GALNT2: variants seen among roughly 807,000 people sequenced by gnomAD.
The protein encoded by GALNT2 is UDP-GalNAc:polypeptide N-acetylgalactosaminyltransferase 2.
Under a neutral mutation model 81.4 loss-of-function variants are expected in GALNT2, and 31 were observed. That is an observed-to-expected ratio of 0.38 (90% CI 0.29 to 0.51). The LOEUF (loss-of-function observed/expected upper bound fraction) is 0.51, where lower values mean the gene tolerates loss of function less well. Among genes scored for constraint, GALNT2 ranks in the 20% least tolerant of loss-of-function variants. GALNT2 has a pLI of 0.87. For synonymous variants in GALNT2, 303 were observed against 287.4 expected, an observed-to-expected ratio of 1.05 and a Z score of -0.55; for missense variants, 629 against 765.7, an observed-to-expected ratio of 0.82 and a Z score of 2.11.
intron 1 of GALNT2, among the ~76,000 whole-genome samples, chr1:230,128,812 C>G (rs1015201160): frequency 7.9e-5 from 12 of 152,200 alleles, no homozygotes; most frequent in African/African-American, 2.2e-4. Context: ...TCCTAAGCCC[C>G]CATCTTCCTA....
chr1:230,258,846 ATTGATACCT>A (rs1665795546), intron 11 of GALNT2: 2 of 152,252 alleles, frequency 1.3e-5, no homozygotes, highest in Admixed American at 6.5e-5. Flanking sequence ...CACCAAAGCC[ATTGATACCT>A]ACCAGCAAAC....
intron 1 of GALNT2, among the ~76,000 whole-genome samples, chr1:230,144,134 G>A (rs1378643198): frequency 1.3e-5 from 2 of 152,202 alleles, no homozygotes; most frequent in Non-Finnish European, 2.9e-5. Context: ...GGGAGGCAGA[G>A]CAGGTTGGGG....
intron 7 of GALNT2, among the ~76,000 whole-genome samples, chr1:230,244,189 A>G (rs1471171742): frequency 6.6e-6 from 1 of 152,072 alleles, no homozygotes; most frequent in African/African-American, 2.4e-5. Context: ...GCTGTGAGTC[A>G]TGGAATACTA....
chr1:230,231,780 A>G (rs923439847), intron 3 of GALNT2, among the ~76,000 whole-genome samples: 1 of 152,190 alleles, frequency 6.6e-6, no homozygotes, highest in Non-Finnish European at 1.5e-5. Context: ...ACCGAACAGG[A>G]AGTTTGCAGA....
chr1:230,100,573 G>A lies in GALNT2; in HGVS notation c.126+33167G>A, dbSNP rs182028010. Among the ~76,000 whole-genome samples the A allele has an allele frequency of 8.8e-3, 1,343 of 152,280 alleles. 9 individuals carry two copies. The highest frequency in any genetic ancestry group is 0.013 in the Non-Finnish European group (909 of 68,022). ...ACTCGCCACCTCAGGCGATCTGCCCGCCTCGGCCTCCCAAAGTGCTGGGAT... is the reference window on the plus strand; with the variant it reads ...ACTCGCCACCTCAGGCGATCTGCCCACCTCGGCCTCCCAAAGTGCTGGGAT... On this transcript the variant is annotated intron_variant, in intron 1 of 15. Coordinates refer to ENST00000366672, the MANE Select transcript of GALNT2 (RefSeq NM_004481.5).
chr1:230,126,373 G>T (rs995603563), intron 1 of GALNT2, among the ~76,000 whole-genome samples: 1 of 152,186 alleles, frequency 6.6e-6, no homozygotes, highest in South Asian at 2.1e-4. Context: ...TTTGGGGCCC[G>T]CTGGGGTGCT....
chr1:230,080,926 G>C (rs1281858013), intron 1 of GALNT2, among the ~76,000 whole-genome samples: 1 of 152,212 alleles, frequency 6.6e-6, no homozygotes. Flanking sequence ...TGAAGGCGGG[G>C]AGGTGTTGAC....
intron 2 of GALNT2, among the ~76,000 whole-genome samples, chr1:230,178,748 C>T (rs531402158): frequency 6.6e-6 from 1 of 152,074 alleles, no homozygotes; most frequent in Non-Finnish European, 1.5e-5. Context: ...TTGTTACAAT[C>T]CATGAACCTG....
intron 3 of GALNT2, among the ~76,000 whole-genome samples, chr1:230,216,560 A>C (rs1416305088): frequency 6.6e-6 from 1 of 152,212 alleles, no homozygotes; most frequent in Non-Finnish European, 1.5e-5. Flanking sequence ...TGAGTAGCTA[A>C]GACTACAGGT....
At chr1:230,107,042 A>G (rs1267693748) in intron 1 of GALNT2, among the ~76,000 whole-genome samples, 8 of 152,232 alleles carry the variant, frequency 5.3e-5, no homozygotes, top group African/African-American at 1.7e-4. Context: ...TCCGAGAGCT[A>G]GACTGCAGTG....
chr1:230,062,299 C>T (rs923120254), upstream of GALNT2, among the ~76,000 whole-genome samples: 2 of 152,018 alleles, frequency 1.3e-5, no homozygotes, highest in African/African-American at 4.8e-5. Context: ...AGAGATATTA[C>T]CTTTTTATCT....
chr1:230,192,994 TGACCTTCTA>T (rs1663576741), intron 2 of GALNT2, among the ~76,000 whole-genome samples: 1 of 152,262 alleles, frequency 6.6e-6, no homozygotes, highest in African/African-American at 2.4e-5. Context: ...TGTAGCATTA[TGACCTTCTA>T]GAGGAAGAAT....
intron 1 of GALNT2, among the ~76,000 whole-genome samples, chr1:230,169,492 C>T (rs552124472): frequency 5.9e-5 from 9 of 152,216 alleles, no homozygotes; most frequent in Non-Finnish European, 8.8e-5. Context: ...GCTGGGTCAC[C>T]GATGGCCATT....
intron 3 of GALNT2, among the ~76,000 whole-genome samples, chr1:230,224,982 A>G (rs976879751): frequency 6.6e-6 from 1 of 152,252 alleles, no homozygotes; most frequent in Non-Finnish European, 1.5e-5. Context: ...AATTGAGCTA[A>G]TTCAAATCTC....
At chr1:230,210,017 T>C (rs955308412) in intron 3 of GALNT2, among the ~76,000 whole-genome samples, 2 of 152,178 alleles carry the variant, frequency 1.3e-5, no homozygotes, top group Non-Finnish European at 2.9e-5. Flanking sequence ...TCCCCAGTGT[T>C]GTCTGGTTCA....
At position 230,105,864 on chromosome 1, in the gene GALNT2, C is replaced by A. The variant is rs571535625; in HGVS notation, c.126+38458C>A. On this transcript the variant is annotated intron_variant, in intron 1 of 15. Transcript: ENST00000366672. ...ACAACTAGGAAGTGGTGGGGACAGA[C>A]CAGTCCTGTCTGATGCCAGATCCAG... Among the ~76,000 whole-genome samples the A allele has an allele frequency of 2.0e-5, 3 of 151,970 alleles. No individual in the cohort carries two copies. In the East Asian group the frequency reaches 6.0e-4, roughly 30 times the overall value.
intron 11 of GALNT2, among the ~76,000 whole-genome samples, chr1:230,256,486 A>G (rs1156831192): frequency 1.3e-5 from 2 of 151,942 alleles, no homozygotes; most frequent in Non-Finnish European, 2.9e-5. Flanking sequence ...TACTGTTATA[A>G]TGGCAATTAA....
intron 1 of GALNT2, among the ~76,000 whole-genome samples, chr1:230,123,475 C>G (rs925723471): frequency 2.0e-4 from 30 of 152,036 alleles, no homozygotes; most frequent in Non-Finnish European, 1.8e-4. Context: ...TTCCAGGGTT[C>G]GAAAATAACT....
chr1:230,147,352 A>G (rs1307898551), intron 1 of GALNT2, among the ~76,000 whole-genome samples: 1 of 152,196 alleles, frequency 6.6e-6, no homozygotes, highest in Non-Finnish European at 1.5e-5. Flanking sequence ...ATTGTGTTCA[A>G]ACCTTCTAGC....
Sources: gnomAD v4.1 joint callset for allele counts (sites outside exome capture counted in the v4.1 genomes callset) on GRCh38, gnomAD v4.1.1 for gene constraint, MANE v1.5 for transcripts, NCBI Gene and HGNC (gene_info 2026-07-23, HGNC 2026-07-21) for gene names.